CSMD1: variants seen among roughly 807,000 people sequenced by gnomAD.
CSMD1 encodes CUB and sushi domain-containing protein 1.
Under a neutral mutation model 417.5 loss-of-function variants are expected in CSMD1, and 213 were observed. The observed-to-expected ratio is 0.51, with a 90% CI of 0.46 to 0.57. The LOEUF (loss-of-function observed/expected upper bound fraction) is 0.57, where lower values mean the gene tolerates loss of function less well. CSMD1 is among the 20% of genes least tolerant of loss of function. The probability of loss-of-function intolerance (pLI) is 0.00; values close to 1 mark genes in which losing one functional copy is unlikely to be tolerated. For missense variants in CSMD1, 6,923 were observed against 4,529.7 expected (o/e 1.53, Z -15.17); for synonymous variants, 2,862 against 1,736.8 (o/e 1.65, Z -16.11).
At position 3,815,566 on chromosome 8, in the gene CSMD1, C is replaced by A. The variant is rs191255306; in HGVS notation, c.819-61524G>T. ...AAAAAACTGTGCTTTTGAAAAAATA[C>A]TGCTTTGAAATTACATAAAAATTAA... On this transcript the variant is annotated intron_variant, in intron 5 of 69. Coordinates refer to ENST00000635120, the MANE Select transcript of CSMD1 (RefSeq NM_033225.6). 8.4e-4 allele frequency among the ~76,000 whole-genome samples: 127 copies of A among 151,042 alleles called. 1 individual carries two copies. The highest frequency in any genetic ancestry group is 1.5e-3 in the Non-Finnish European group (102 of 67,788).
intron 2 of CSMD1, among the ~76,000 whole-genome samples, chr8:4,598,550 C>T (rs574414052): frequency 1.3e-5 from 2 of 152,106 alleles, no homozygotes; most frequent in African/African-American, 4.8e-5. Context: ...CCAAAAGATG[C>T]AAGGAAAACT....
At chr8:4,438,611 C>G (rs185314654) in intron 2 of CSMD1, among the ~76,000 whole-genome samples, 1 of 152,124 alleles carries the variant, frequency 6.6e-6, no homozygotes, top group Non-Finnish European at 1.5e-5. Flanking sequence ...AATCATGCTC[C>G]TATTATTTTA....
At chr8:3,570,583 A>C (rs1364413236) in intron 10 of CSMD1, among the ~76,000 whole-genome samples, 1 of 152,156 alleles carries the variant, frequency 6.6e-6, no homozygotes, top group African/African-American at 2.4e-5. Flanking sequence ...AAAATGTCAA[A>C]CACCTGAGCT....
At chr8:3,827,766 T>A (rs1470602652) in intron 5 of CSMD1, among the ~76,000 whole-genome samples, 1 of 152,194 alleles carries the variant, frequency 6.6e-6, no homozygotes, top group Non-Finnish European at 1.5e-5. Context: ...AATAGTTGAT[T>A]GGGAAAAGAC....
At chr8:3,878,249 G>C (rs10112315) in intron 5 of CSMD1, among the ~76,000 whole-genome samples, 79,045 of 152,024 alleles carry the variant, frequency 0.52, 23,318 homozygotes, top group Admixed American at 0.66. Flanking sequence ...TAATTTCTTA[G>C]ATTATATACA....
chr8:4,806,125 C>A (rs1024004025), intron 1 of CSMD1, among the ~76,000 whole-genome samples: 1 of 152,154 alleles, frequency 6.6e-6, no homozygotes, highest in Non-Finnish European at 1.5e-5. Context: ...CGTTTAATTA[C>A]CTAACTTTCA....
At chr8:4,517,873 A>G (rs1459237341) in intron 2 of CSMD1, among the ~76,000 whole-genome samples, 1 of 152,198 alleles carries the variant, frequency 6.6e-6, no homozygotes, top group Non-Finnish European at 1.5e-5. Context: ...TTTGTAGTTG[A>G]TAAGATTTGC....
intron 2 of CSMD1, among the ~76,000 whole-genome samples, chr8:4,450,264 G>A (rs117011088): frequency 1.3e-5 from 2 of 152,164 alleles, no homozygotes; most frequent in Non-Finnish European, 1.5e-5. Context: ...TGATCTTCAG[G>A]AGCACACAAC....
At chr8:2,942,890 A>G (rs754179580) in intron 68 of CSMD1, among the ~76,000 whole-genome samples, 45 of 152,352 alleles carry the variant, frequency 3.0e-4, no homozygotes, top group South Asian at 8.3e-4. Context: ...TTTCGTTTAT[A>G]GTTATAGGTG....
intron 37 of CSMD1, among the ~76,000 whole-genome samples, chr8:3,176,020 A>G (rs1425366837): frequency 6.6e-6 from 1 of 152,128 alleles, no homozygotes; most frequent in African/African-American, 2.4e-5. Flanking sequence ...TAGGATATTA[A>G]TTTTGGATAG....
intron 2 of CSMD1, among the ~76,000 whole-genome samples, chr8:4,567,674 A>C (rs1014183275): frequency 1.3e-5 from 2 of 152,192 alleles, no homozygotes; most frequent in Non-Finnish European, 2.9e-5. Flanking sequence ...TCTTCTGCCC[A>C]GATGCTGATT....
At chr8:4,142,107 C>T (rs1233794645) in intron 3 of CSMD1, among the ~76,000 whole-genome samples, 7 of 150,766 alleles carry the variant, frequency 4.6e-5, no homozygotes, top group Non-Finnish European at 1.0e-4. Context: ...ATGTTTGAAG[C>T]AACATTTGTT....
At position 3,660,546 on chromosome 8, in the gene CSMD1, A is replaced by G; in HGVS notation, c.1010-43749T>C. Among the ~76,000 whole-genome samples the G allele has an allele frequency of 2.5e-5, 2 of 81,030 alleles. 1 individual carries two copies. Among genetic ancestry groups the G allele is most frequent in the Admixed American group, 3.0e-4 (2 of 6,602 alleles). The allele number at this position is 81,030 out of a possible 152,430, so 53.2% of individuals were successfully genotyped here. A position where few individuals can be genotyped will look rare whatever the true frequency, so the allele number is the denominator to read the frequency against. ...TTTTTTTTTTTTTTTTTTGAAAAAA[A>G]ACAAGGCCCTGCAGTCCAGGCAAGA... On this transcript the variant is annotated intron_variant, in intron 7 of 69. Coordinates refer to ENST00000635120, the MANE Select transcript of CSMD1 (RefSeq NM_033225.6).
chr8:3,446,632 C>G (rs535613260), intron 12 of CSMD1, among the ~76,000 whole-genome samples: 18 of 152,158 alleles, frequency 1.2e-4, no homozygotes, highest in Middle Eastern at 3.4e-3. Context: ...ACAAAAGAAA[C>G]GCTGTTTGGG....
chr8:3,320,356 C>T (rs1469687545), intron 23 of CSMD1, among the ~76,000 whole-genome samples: 1 of 152,086 alleles, frequency 6.6e-6, no homozygotes, highest in Admixed American at 6.6e-5. Context: ...CTGTGAAGGG[C>T]ACTGCTTATT....
At chr8:3,912,366 T>C (rs1329888837) in intron 5 of CSMD1, among the ~76,000 whole-genome samples, 1 of 152,202 alleles carries the variant, frequency 6.6e-6, no homozygotes, top group Admixed American at 6.5e-5. Context: ...TAGGATTTAC[T>C]ACATTCAAGG....
At chr8:4,465,237 G>C (rs375554733) in intron 2 of CSMD1, among the ~76,000 whole-genome samples, 4 of 152,178 alleles carry the variant, frequency 2.6e-5, no homozygotes, top group East Asian at 1.9e-4. Flanking sequence ...TCTGAAGTTT[G>C]AGTATGTGTC....
At chr8:2,947,650 T>C (rs960307155) in intron 68 of CSMD1, among the ~76,000 whole-genome samples, 1 of 152,164 alleles carries the variant, frequency 6.6e-6, no homozygotes, top group African/African-American at 2.4e-5. Context: ...CTACACAGCA[T>C]CCTGTACAGC....
At chr8:3,260,325 C>A (rs1180859237) in intron 26 of CSMD1, among the ~76,000 whole-genome samples, 5 of 152,074 alleles carry the variant, frequency 3.3e-5, no homozygotes, top group African/African-American at 1.2e-4. Flanking sequence ...TTGGGTGTTG[C>A]AGGATCAATG....
Sources: allele counts gnomAD v4.1 joint callset (sites outside exome capture counted in the v4.1 genomes callset), GRCh38; gene constraint gnomAD v4.1.1; transcripts MANE v1.5; gene names NCBI Gene and HGNC (gene_info 2026-07-23, HGNC 2026-07-21).